TACR3: variants seen among roughly 807,000 people sequenced by gnomAD.
TACR3 encodes neuromedin-K receptor.
Under a neutral mutation model 35.0 loss-of-function variants are expected in TACR3, and 34 were observed. The ratio of observed to expected loss-of-function variants is 0.97; its 90% CI spans 0.74 to 1.30. The LOEUF is 1.30. Among genes scored for constraint, TACR3 ranks in the 50% most tolerant of loss-of-function variants. TACR3 has a pLI of 0.00. For missense variants in TACR3, 558 were observed against 591.7 expected, an observed-to-expected ratio of 0.94 and a Z score of 0.59; for synonymous variants, 233 against 221.1, an observed-to-expected ratio of 1.05 and a Z score of -0.48.
chr4:103,708,071 G>T (rs532682421), intron 1 of TACR3, among the ~76,000 whole-genome samples: 1 of 152,198 alleles, frequency 6.6e-6, no homozygotes, highest in African/African-American at 2.4e-5. Flanking sequence ...CTCCACCTCT[G>T]GGGGCAGGGC....
At chr4:103,612,516 T>C (rs1045378451) in intron 3 of TACR3, among the ~76,000 whole-genome samples, 4 of 152,034 alleles carry the variant, frequency 2.6e-5, no homozygotes, top group Non-Finnish European at 5.9e-5. Flanking sequence ...TTTTTTTTTT[T>C]CTTGTGGTTA....
intron 1 of TACR3, among the ~76,000 whole-genome samples, chr4:103,716,215 TTGTGTGTG>T (rs56790385): frequency 0.035 from 5,087 of 143,312 alleles, 276 homozygotes; most frequent in African/African-American, 0.12. Flanking sequence ...TAATTTTATC[TTGTGTGTG>T]TGTGTGTGTG....
rs969696474 is a variant in TACR3, at chr4:103,588,221, G to C, written c.*1461C>G. 15 of 152,098 alleles carry C rather than the reference G, an allele frequency of 9.9e-5. No individual in the cohort carries two copies. The highest frequency in any genetic ancestry group is 3.4e-4 in the African/African-American group (14 of 41,438). 9.4% of individuals were successfully genotyped at this position (152,098 alleles called of 1,614,324 possible). On this transcript the variant is annotated 3_prime_UTR_variant, in exon 5 of 5. Coordinates refer to ENST00000304883, the MANE Select transcript of TACR3 (RefSeq NM_001059.3). ...ATATCGGTGGAGGCACAACAGTAAAGTGTTTGTTAGAGAGTATTATTTTAG... is the reference window on the plus strand; with the variant it reads ...ATATCGGTGGAGGCACAACAGTAAACTGTTTGTTAGAGAGTATTATTTTAG...
chr4:103,626,410 T>G (rs1252811064), intron 3 of TACR3, among the ~76,000 whole-genome samples: 1 of 149,902 alleles, frequency 6.7e-6, no homozygotes, highest in East Asian at 1.9e-4. Flanking sequence ...GGGCTTTTAT[T>G]ATTATTGTTA....
At chr4:103,692,772 C>G (rs1013156856) in intron 1 of TACR3, among the ~76,000 whole-genome samples, 3 of 152,118 alleles carry the variant, frequency 2.0e-5, no homozygotes, top group Non-Finnish European at 4.4e-5. Flanking sequence ...TCCAGTGACT[C>G]ACAGGAATGA....
chr4:103,613,900 A>G (rs1578226919), intron 3 of TACR3, among the ~76,000 whole-genome samples: 1 of 152,070 alleles, frequency 6.6e-6, no homozygotes, highest in African/African-American at 2.4e-5. Context: ...AGAGAGAGAA[A>G]GAGTGAGGCA....
At chr4:103,654,865 G>T (rs769128782) in intron 3 of TACR3, among the ~76,000 whole-genome samples, 2 of 152,058 alleles carry the variant, frequency 1.3e-5, no homozygotes, top group Non-Finnish European at 2.9e-5. Context: ...ACATGAGCAA[G>T]ATGTTATATA....
In TACR3 at chr4:103,588,747, T is replaced by C. The variant is rs1369795582; in HGVS notation, c.*935A>G. The stretch of plus-strand genomic sequence containing the variant: ...CTTTTGTCACACTTGTGACTTTTTT[T>C]CCCTAAGGAGTTGCCTTTGAAGATA... On this transcript the variant is annotated 3_prime_UTR_variant, in exon 5 of 5. Transcript: ENST00000304883. 3 of 152,154 alleles carry C rather than the reference T, an allele frequency of 2.0e-5. No homozygotes were observed. Among genetic ancestry groups the C allele is most frequent in the South Asian group, 2.1e-4 (1 of 4,834 alleles). 9.4% of individuals were successfully genotyped at this position (152,154 alleles called of 1,614,324 possible). A position where few individuals can be genotyped will look rare whatever the true frequency, so the allele number is the denominator to read the frequency against.
chr4:103,637,666 A>G (rs1725224916), intron 3 of TACR3, among the ~76,000 whole-genome samples: 1 of 152,234 alleles, frequency 6.6e-6, no homozygotes, highest in Non-Finnish European at 1.5e-5. Flanking sequence ...TTTGCAGATG[A>G]CATGAATTGT....
intron 1 of TACR3, among the ~76,000 whole-genome samples, chr4:103,662,935 T>C (rs776857333): frequency 1.3e-5 from 2 of 152,144 alleles, no homozygotes; most frequent in Non-Finnish European, 2.9e-5. Flanking sequence ...CTCAAATATG[T>C]GGTACATTGT....
intron 3 of TACR3, among the ~76,000 whole-genome samples, chr4:103,598,989 A>G (rs1003608424): frequency 6.6e-6 from 1 of 152,160 alleles, no homozygotes; most frequent in Non-Finnish European, 1.5e-5. Context: ...AGTTCTGTGA[A>G]GAAAGTCATT....
At chr4:103,597,355 A>G (rs1208634425) in intron 3 of TACR3, among the ~76,000 whole-genome samples, 1 of 152,102 alleles carries the variant, frequency 6.6e-6, no homozygotes, top group Admixed American at 6.6e-5. Flanking sequence ...TTGGTACAAG[A>G]TTGATTCTTT....
chr4:103,719,859 C>T lies in TACR3; in HGVS notation c.-184G>A. The T allele has an allele frequency of 1.4e-6, 1 of 726,908 alleles. No homozygotes were observed. Among genetic ancestry groups the T allele is most frequent in the Non-Finnish European group, 2.2e-6 (1 of 450,972 alleles). The allele number at this position is 726,908 out of a possible 1,614,324, so 45.0% of individuals were successfully genotyped here. On this transcript the variant is annotated 5_prime_UTR_variant, in exon 1 of 5. Coordinates refer to ENST00000304883, the MANE Select transcript of TACR3 (RefSeq NM_001059.3). ...TGCAGCTGGGGCTAAGGGGCAACAG[C>T]TGCACTTTCTCAGAGGCGCTTGCGG...
chr4:103,616,696 C>T (rs943315208), intron 3 of TACR3, among the ~76,000 whole-genome samples: 1 of 152,146 alleles, frequency 6.6e-6, no homozygotes, highest in Non-Finnish European at 1.5e-5. Flanking sequence ...CCTGTAATTT[C>T]AGACCTTCGG....
At chr4:103,629,999 C>G (rs1436314055) in intron 3 of TACR3, among the ~76,000 whole-genome samples, 1 of 151,996 alleles carries the variant, frequency 6.6e-6, no homozygotes, top group Middle Eastern at 3.2e-3. Flanking sequence ...GAGATATAGA[C>G]CAATGGTACA....
At position 103,719,709 on chromosome 4, in the gene TACR3, C is replaced by T; in HGVS notation, c.-34G>A. 6.2e-7 allele frequency: 1 copy of T among 1,602,704 alleles called. No individual in the cohort carries two copies. Among genetic ancestry groups the T allele is most frequent in the Non-Finnish European group, 8.5e-7 (1 of 1,179,674 alleles). Reference sequence around the variant, plus strand: ...GTCTGCAGTCCCGGACCCTCCCACTCACCCACGGGCAGCCCAAGACGAGAC... The same window carrying T: ...GTCTGCAGTCCCGGACCCTCCCACTTACCCACGGGCAGCCCAAGACGAGAC... On this transcript the variant is annotated 5_prime_UTR_variant, in exon 1 of 5. Transcript: ENST00000304883.
intron 1 of TACR3, among the ~76,000 whole-genome samples, chr4:103,699,628 G>A (rs113012170): frequency 3.9e-4 from 59 of 152,190 alleles, no homozygotes; most frequent in Middle Eastern, 3.4e-3. Flanking sequence ...ATATTGGCTC[G>A]GACTAAGGTA....
intron 3 of TACR3, among the ~76,000 whole-genome samples, chr4:103,601,369 A>T (rs1189038956): frequency 1.3e-5 from 2 of 152,044 alleles, no homozygotes; most frequent in Non-Finnish European, 2.9e-5. Context: ...TTAATTGGAG[A>T]ATTTAGCCCA....
rs1018101958 is a variant in TACR3 at position 103,719,759 on chromosome 4, C to G, written c.-84G>C. The G allele has an allele frequency of 5.0e-5, 78 of 1,553,440 alleles. No homozygotes were observed. The highest frequency in any genetic ancestry group is 6.6e-5 in the Non-Finnish European group (76 of 1,146,410). ...CTCCTCTGAAGTTCTTCTCTGCCTC[C>G]TGGTCACTTTGGTGCCGGAGTCTTC... is the stretch of plus-strand genomic sequence containing the variant. On this transcript the variant is annotated 5_prime_UTR_variant, in exon 1 of 5. Coordinates refer to ENST00000304883, the MANE Select transcript of TACR3 (RefSeq NM_001059.3).
Sources: allele counts gnomAD v4.1 joint callset (sites outside exome capture counted in the v4.1 genomes callset), GRCh38; gene constraint gnomAD v4.1.1; transcripts MANE v1.5; gene names NCBI Gene and HGNC (gene_info 2026-07-23, HGNC 2026-07-21).